Variants in MTUS2 observed in about 807,000 individuals in gnomAD.
MTUS2 encodes microtubule associated scaffold protein 2, also known as microtubule-associated tumor suppressor candidate 2.
In MTUS2, 40 loss-of-function variants were observed where a neutral mutation model predicts 114.1. The observed-to-expected ratio is 0.35, with a 90% CI of 0.27 to 0.46. The LOEUF is 0.46. MTUS2 is among the 20% of genes least tolerant of loss of function. The pLI, the probability that MTUS2 is intolerant of heterozygous loss-of-function variation, is 1.00. For missense variants in MTUS2, 1,679 were observed against 1,705.4 expected (o/e 0.98, Z 0.27); for synonymous variants, 688 against 672.0 (o/e 1.02, Z -0.37).
At chr13:29,369,708 G>A (rs1871047609) in intron 8 of MTUS2, among the ~76,000 whole-genome samples, 1 of 152,082 alleles carries the variant, frequency 6.6e-6, no homozygotes, top group Non-Finnish European at 1.5e-5. Flanking sequence ...TGCCCTCCCA[G>A]GAGAAGAAAG....
intron 5 of MTUS2, among the ~76,000 whole-genome samples, chr13:29,264,887 C>A (rs562465187): frequency 6.6e-6 from 1 of 152,356 alleles, no homozygotes; most frequent in South Asian, 2.1e-4. Flanking sequence ...CATTTGAGGT[C>A]TTTTTCCCAT....
At chr13:29,212,978 A>G (rs1315070248) in intron 5 of MTUS2, among the ~76,000 whole-genome samples, 5 of 152,160 alleles carry the variant, frequency 3.3e-5, no homozygotes, top group Admixed American at 3.3e-4. Flanking sequence ...CGCCTATCCC[A>G]AAACTATCCA....
At chr13:29,458,013 A>G (rs931995109) in intron 9 of MTUS2, among the ~76,000 whole-genome samples, 3 of 152,242 alleles carry the variant, frequency 2.0e-5, no homozygotes, top group East Asian at 1.9e-4. Context: ...CGGCCTCCCA[A>G]AGTGCTGGGA....
chr13:29,427,475 C>T (rs771093612), intron 8 of MTUS2, among the ~76,000 whole-genome samples: 3 of 152,108 alleles, frequency 2.0e-5, no homozygotes, highest in African/African-American at 7.2e-5. Context: ...ATAGCATAGA[C>T]GTGCAAATGT....
At chr13:28,860,952 A>C (rs773425741) in intron 2 of MTUS2, among the ~76,000 whole-genome samples, 19 of 152,164 alleles carry the variant, frequency 1.2e-4, no homozygotes, top group Non-Finnish European at 2.5e-4. Flanking sequence ...ATCAGTAACA[A>C]ATGCTGTTCT....
At chr13:29,005,979 T>A (rs1319588765) in intron 2 of MTUS2, among the ~76,000 whole-genome samples, 3 of 152,258 alleles carry the variant, frequency 2.0e-5, no homozygotes, top group African/African-American at 7.2e-5. Context: ...TGATTGTAGC[T>A]AGCTCTTTTA....
intron 4 of MTUS2, among the ~76,000 whole-genome samples, chr13:29,045,192 G>A (rs1887559183): frequency 2.0e-5 from 3 of 152,152 alleles, no homozygotes; most frequent in African/African-American, 7.2e-5. Context: ...TGGTTGTTAT[G>A]CAGTTGTTTT....
At chr13:29,439,036 C>T (rs1877631371) in intron 8 of MTUS2, among the ~76,000 whole-genome samples, 1 of 152,130 alleles carries the variant, frequency 6.6e-6, no homozygotes, top group Admixed American at 6.5e-5. Context: ...TCTCAAGGCC[C>T]CGATGATACT....
intron 8 of MTUS2, among the ~76,000 whole-genome samples, chr13:29,410,281 T>C (rs905413842): frequency 6.6e-6 from 1 of 152,030 alleles, no homozygotes; most frequent in African/African-American, 2.4e-5. Flanking sequence ...CCCGCCACCA[T>C]GACCGACTAA....
In MTUS2 at chr13:29,025,720, C is replaced by T; in HGVS notation, c.1022C>T (p.Ser341Leu). Residue 341 changes from serine (S) to leucine (L), a missense_variant, in exon 3 of 16, where the codon TCA (serine) becomes TTA (leucine). By Grantham distance (145) the Ser-to-Leu change is moderately radical. Around this residue, in one of 3 missense-constraint regions of MTUS2, gnomAD observed 843 missense variants for 770.8 expected, o/e 1.09. Coordinates refer to ENST00000612955, the MANE Select transcript of MTUS2 (RefSeq NM_001033602.4). ...YLGCHKEENLSALEGRDPCGE... is the reference protein window; with the variant it reads ...YLGCHKEENLLALEGRDPCGE... ...GGATGCCACAAGGAAGAGAATCTGT[C>T]AGCCTTGGAGGGAAGGGATCCATGT... 6.2e-7 allele frequency: 1 copy of T among 1,613,966 alleles called. No individual in the cohort carries two copies.
chr13:29,252,291 C>G lies in MTUS2; in HGVS notation c.2645-29413C>G, dbSNP rs142003562. Among the ~76,000 whole-genome samples the G allele has an allele frequency of 2.5e-3, 380 of 152,252 alleles. 1 individual carries two copies. Among genetic ancestry groups the G allele is most frequent in the Non-Finnish European group, 4.3e-3 (294 of 68,016 alleles). ...GCTCCTAGTTAGACCATGAAATACT[C>G]GTTCCCGTGGACTTATTATATTTTC... On this transcript the variant is annotated intron_variant, in intron 5 of 15. Transcript: ENST00000612955.
chr13:29,200,521 G>GTTTTT (rs56965083), intron 5 of MTUS2, among the ~76,000 whole-genome samples: 1,254 of 85,334 alleles, frequency 0.015, 111 homozygotes, highest in Non-Finnish European at 0.019. Context: ...TTCTTTTTCT[G>GTTTTT]TTTTTTTTTT....
At chr13:29,186,077 G>A (rs1025557950) in intron 5 of MTUS2, among the ~76,000 whole-genome samples, 7 of 152,186 alleles carry the variant, frequency 4.6e-5, no homozygotes, top group South Asian at 2.1e-4. Context: ...AACCAGGCAC[G>A]GTGGCACATG....
intron 6 of MTUS2, among the ~76,000 whole-genome samples, chr13:29,296,070 G>T (rs981939750): frequency 6.6e-6 from 1 of 152,188 alleles, no homozygotes; most frequent in Non-Finnish European, 1.5e-5. Context: ...TACCTTGGCT[G>T]TTGTGACTGG....
chr13:29,369,535 G>A (rs766525461), intron 8 of MTUS2, among the ~76,000 whole-genome samples: 2 of 150,704 alleles, frequency 1.3e-5, no homozygotes, highest in African/African-American at 4.9e-5. Flanking sequence ...TTTTATTCCT[G>A]ACCATCAAAT....
chr13:29,348,474 C>T (rs1439738043), intron 7 of MTUS2, among the ~76,000 whole-genome samples: 2 of 152,104 alleles, frequency 1.3e-5, no homozygotes, highest in Admixed American at 6.5e-5. Flanking sequence ...TGTTTTAAGA[C>T]TCACAGCAAA....
At chr13:28,902,624 CATTG>C (rs1265289216) in intron 2 of MTUS2, among the ~76,000 whole-genome samples, 2 of 151,970 alleles carry the variant, frequency 1.3e-5, no homozygotes, top group African/African-American at 2.4e-5. Flanking sequence ...TAGTGGATTA[CATTG>C]ATTGATTTTC....
chr13:29,358,681 A>G (rs1338224490), intron 7 of MTUS2, among the ~76,000 whole-genome samples: 2 of 152,162 alleles, frequency 1.3e-5, no homozygotes, highest in Non-Finnish European at 2.9e-5. Context: ...GTCAAGTCAC[A>G]TTGGAGGGAT....
intron 7 of MTUS2, among the ~76,000 whole-genome samples, chr13:29,337,327 A>G (rs552368740): frequency 3.3e-5 from 5 of 152,292 alleles, no homozygotes; most frequent in Admixed American, 1.3e-4. Context: ...ACCATGGGAA[A>G]AGCGCAGTTT....
Sources: gnomAD v4.1 joint callset for allele counts (sites outside exome capture counted in the v4.1 genomes callset) on GRCh38, gnomAD v4.1.1 for gene constraint, gnomAD v4.1.1 regional missense constraint, MANE v1.5 for transcripts, NCBI Gene and HGNC (gene_info 2026-07-23, HGNC 2026-07-21) for gene names.